Variants in VEPH1 observed in about 807,000 individuals in gnomAD.
VEPH1 encodes the protein ventricular zone expressed PH domain containing 1, also known as ventricular zone-expressed PH domain-containing protein homolog 1.
A neutral mutation model predicts 85.2 loss-of-function variants in VEPH1; 80 were observed. The observed-to-expected ratio is 0.94, with a 90% CI of 0.78 to 1.13. The LOEUF is 1.13. Ranked by LOEUF, VEPH1 falls within the 50% of genes most tolerant of loss-of-function variation. The pLI is 0.00. For missense variants in VEPH1, 955 were observed against 980.5 expected (o/e 0.97, Z 0.35); for synonymous variants, 297 against 348.0 (o/e 0.85, Z 1.63).
intron 5 of VEPH1, among the ~76,000 whole-genome samples, chr3:157,421,263 C>G (rs1030248532): frequency 5.3e-5 from 8 of 151,890 alleles, no homozygotes; most frequent in African/African-American, 1.9e-4. Flanking sequence ...TTTCAAGGGC[C>G]AACTGTTGAC....
chr3:157,274,900 C>G (rs935194304), intron 12 of VEPH1, among the ~76,000 whole-genome samples: 2 of 152,174 alleles, frequency 1.3e-5, no homozygotes, highest in Non-Finnish European at 2.9e-5. Flanking sequence ...ATTTACAAGA[C>G]AGTAAATCAA....
intron 2 of VEPH1, among the ~76,000 whole-genome samples, chr3:157,482,628 T>C (rs1017504625): frequency 5.9e-5 from 9 of 152,244 alleles, no homozygotes; most frequent in African/African-American, 2.2e-4. Context: ...ATGGAATATT[T>C]TTCCATTTGT....
chr3:157,463,489 T>C (rs1736069053), intron 3 of VEPH1, among the ~76,000 whole-genome samples: 1 of 152,184 alleles, frequency 6.6e-6, no homozygotes, highest in Non-Finnish European at 1.5e-5. Context: ...CTTCCCTGAA[T>C]GCCTTTGTCT....
At chr3:157,420,230 CTTAATACCCAGGTGA>C (rs1732227411) in intron 5 of VEPH1, among the ~76,000 whole-genome samples, 2 of 151,978 alleles carry the variant, frequency 1.3e-5, no homozygotes, top group Non-Finnish European at 2.9e-5. Flanking sequence ...GCATGCTTGG[CTTAATACCCAGGTGA>C]TGGGTTGATC....
At chr3:157,485,523 A>C (rs1738538830) in intron 2 of VEPH1, among the ~76,000 whole-genome samples, 1 of 152,168 alleles carries the variant, frequency 6.6e-6, no homozygotes, top group African/African-American at 2.4e-5. Context: ...TATAATCTTC[A>C]ACCCACTAGT....
chr3:157,342,131 A>C (rs954026970), intron 9 of VEPH1, among the ~76,000 whole-genome samples: 20 of 152,234 alleles, frequency 1.3e-4, no homozygotes, highest in African/African-American at 4.8e-4. Flanking sequence ...CGAGCAAAAT[A>C]ACCAGCTAAC....
At chr3:157,500,555 T>C (rs879566539) in intron 1 of VEPH1, among the ~76,000 whole-genome samples, 3 of 152,228 alleles carry the variant, frequency 2.0e-5, no homozygotes, top group Non-Finnish European at 4.4e-5. Flanking sequence ...AATTCCTTTA[T>C]AAAAATCAAG....
At chr3:157,290,004 T>C (rs1717275992) in intron 11 of VEPH1, among the ~76,000 whole-genome samples, 1 of 150,322 alleles carries the variant, frequency 6.7e-6, no homozygotes, top group Non-Finnish European at 1.5e-5. Context: ...TCAAAGGGGA[T>C]AGGATATCAA....
At chr3:157,289,933 T>G (rs745367157) in intron 11 of VEPH1, among the ~76,000 whole-genome samples, 1 of 152,156 alleles carries the variant, frequency 6.6e-6, no homozygotes, top group Non-Finnish European at 1.5e-5. Context: ...TTCATCTGTT[T>G]GTATACTCCC....
intron 10 of VEPH1, among the ~76,000 whole-genome samples, chr3:157,315,525 G>C (rs1296643937): frequency 1.3e-5 from 2 of 152,020 alleles, no homozygotes; most frequent in African/African-American, 4.8e-5. Flanking sequence ...AAAACGGAAA[G>C]AATTTGGCCC....
At chr3:157,438,055 A>C in intron 4 of VEPH1, 4 of 737,016 alleles carry the variant, frequency 5.4e-6, no homozygotes, top group Non-Finnish European at 8.5e-6. Flanking sequence ...ACACACACAC[A>C]CACACACACA....
chr3:157,492,303 T>C (rs545641170), intron 2 of VEPH1, among the ~76,000 whole-genome samples: 2 of 152,320 alleles, frequency 1.3e-5, no homozygotes, highest in Admixed American at 6.5e-5. Context: ...AGAATTCTGA[T>C]CCGTACGAGT....
In VEPH1 at chr3:157,383,483, T is replaced by C. The variant is rs148562415; in HGVS notation, c.907-2107A>G. Reference sequence around the variant, plus strand: ...ATATGACCTTATAAATAAAGTATGTTGTTACAAAGGAATTCTGTGCTTTAC... The same window carrying C: ...ATATGACCTTATAAATAAAGTATGTCGTTACAAAGGAATTCTGTGCTTTAC... On this transcript the variant is annotated intron_variant, in intron 6 of 13. Transcript: ENST00000362010. Among the ~76,000 whole-genome samples, 435 of 152,330 alleles carry C rather than the reference T, an allele frequency of 2.9e-3. 7 individuals are homozygous for C. The East Asian group carries it at 0.045, about 16-fold the overall frequency.
At chr3:157,471,220 G>A (rs1736923702) in intron 2 of VEPH1, among the ~76,000 whole-genome samples, 1 of 152,198 alleles carries the variant, frequency 6.6e-6, no homozygotes, top group Non-Finnish European at 1.5e-5. Flanking sequence ...AGTATTTAGA[G>A]CCTGACATCA....
chr3:157,397,517 G>A (rs1462969294), intron 6 of VEPH1, among the ~76,000 whole-genome samples: 1 of 152,126 alleles, frequency 6.6e-6, no homozygotes, highest in Non-Finnish European at 1.5e-5. Context: ...AGGCAGTATG[G>A]CCATTTTCAC....
At position 157,265,621 on chromosome 3, in the gene VEPH1, T is replaced by C. The variant is rs760788456; in HGVS notation, c.2170A>G (p.Lys724Glu). The C allele has an allele frequency of 5.0e-6, 8 of 1,613,732 alleles. No homozygotes were observed. The highest frequency in any genetic ancestry group is 6.8e-6 in the Non-Finnish European group (8 of 1,179,758). Residue 724 changes from lysine to glutamate, a missense_variant, in exon 13 of 14, where the codon AAA becomes GAA. Transcript: ENST00000362010. ...AACTTCCATCTGACTTGCTTCTCTT[T>C]AAGTTTTCCTTCTATGAGAGGCTGG... ...DGQPLIEGKL[K>E]EKQVRWKFIK...
chr3:157,269,645 T>TTTG (rs1559911388), intron 12 of VEPH1, among the ~76,000 whole-genome samples: 3 of 146,644 alleles, frequency 2.0e-5, no homozygotes, highest in African/African-American at 5.0e-5. Flanking sequence ...TTTTGTTGTT[T>TTTG]TTTTTTTTTT....
At chr3:157,433,982 C>G (rs1391856465) in intron 4 of VEPH1, among the ~76,000 whole-genome samples, 1 of 151,938 alleles carries the variant, frequency 6.6e-6, no homozygotes, top group Non-Finnish European at 1.5e-5. Context: ...TTGTTAAAAT[C>G]TCCCTCCATG....
intron 7 of VEPH1, among the ~76,000 whole-genome samples, chr3:157,369,180 G>GGAAAAAAAAAAAAAA (rs1553773035): frequency 2.3e-5 from 1 of 42,780 alleles, no homozygotes; most frequent in South Asian, 2.3e-3. Flanking sequence ...AAAACCAAAT[G>GGAAAAAAAAAAAAAA]AAAAAAAAAA....
Sources: allele counts gnomAD v4.1 joint callset (sites outside exome capture counted in the v4.1 genomes callset), GRCh38; gene constraint gnomAD v4.1.1; transcripts MANE v1.5; gene names NCBI Gene and HGNC (gene_info 2026-07-23, HGNC 2026-07-21).